The following CSNK1A1 variants were observed in gnomAD, a reference collection of about 807,000 sequenced individuals.
CSNK1A1 encodes casein kinase I isoform alpha.
CSNK1A1 carries 7 observed loss-of-function variants against 46.1 expected under a neutral mutation model. The observed-to-expected ratio is 0.15, with a 90% CI of 0.09 to 0.29. The LOEUF (loss-of-function observed/expected upper bound fraction) is 0.29, where lower values mean the gene tolerates loss of function less well. Among genes scored for constraint, CSNK1A1 ranks in the 10% least tolerant of loss-of-function variants. CSNK1A1 has a pLI of 1.00. For missense variants in CSNK1A1, 96 were observed against 417.1 expected (o/e 0.23, Z 6.71); for synonymous variants, 137 against 141.5 (o/e 0.97, Z 0.23).
chr5:149,502,518 T>TG (rs1760894558), intron 9 of CSNK1A1: 1 of 55,234 alleles, frequency 1.8e-5, no homozygotes, highest in African/African-American at 3.2e-4. Context: ...GCTTTTTTTT[T>TG]TTGGGGGGGG....
intron 2 of CSNK1A1, among the ~76,000 whole-genome samples, chr5:149,527,953 G>A (rs1276762948): frequency 6.6e-6 from 1 of 152,120 alleles, no homozygotes; most frequent in Non-Finnish European, 1.5e-5. Flanking sequence ...ACAAGCAAAT[G>A]TTATAACCAT....
chr5:149,494,952 C>T lies in CSNK1A1; in HGVS notation c.*1901G>A, dbSNP rs1760612138. On this transcript the variant is annotated 3_prime_UTR_variant, in exon 10 of 10. Coordinates refer to ENST00000377843, the MANE Select transcript of CSNK1A1 (RefSeq NM_001892.6). Reference sequence around the variant, plus strand: ...AGGGAGTTCAGCTTGGAAGTTATTACCAAAGCTAAACATTTTTATTTTACA... The same window carrying T: ...AGGGAGTTCAGCTTGGAAGTTATTATCAAAGCTAAACATTTTTATTTTACA... The T allele has an allele frequency of 6.6e-6, 1 of 152,086 alleles. No individual in the cohort carries two copies. Among genetic ancestry groups the T allele is most frequent in the African/African-American group, 2.4e-5 (1 of 41,422 alleles). The allele number at this position is 152,086 out of a possible 1,614,324, so 9.4% of individuals were successfully genotyped here. A position where few individuals can be genotyped will look rare whatever the true frequency, so the allele number is the denominator to read the frequency against.
chr5:149,498,396 A>G (rs1760723908), intron 9 of CSNK1A1: 1 of 985,446 alleles, frequency 1.0e-6, no homozygotes, highest in Non-Finnish European at 1.2e-6. Flanking sequence ...GTTATTAAGA[A>G]GTATTAGCGA....
chr5:149,542,639 TG>T lies in CSNK1A1; in HGVS notation c.230+7435del, dbSNP rs1561772522. Among the ~76,000 whole-genome samples, 86 of 12,302 alleles carry T rather than the reference TG, an allele frequency of 7.0e-3. 12 individuals carry two copies. Among genetic ancestry groups the T allele is most frequent in the South Asian group, 0.022 (5 of 232 alleles). The allele number at this position is 12,302 out of a possible 152,430, so 8.1% of individuals were successfully genotyped here. A position where few individuals can be genotyped will look rare whatever the true frequency, so the allele number is the denominator to read the frequency against. The stretch of plus-strand genomic sequence containing the variant: ...ATATATATATATATATATATATATA[TG>T]TATATATATATATATATATATATAT... On this transcript the variant is annotated intron_variant, in intron 2 of 9. Coordinates refer to ENST00000377843, the MANE Select transcript of CSNK1A1 (RefSeq NM_001892.6).
At chr5:149,537,833 G>A (rs981226971) in intron 2 of CSNK1A1, among the ~76,000 whole-genome samples, 2 of 150,374 alleles carry the variant, frequency 1.3e-5, no homozygotes, top group East Asian at 3.9e-4. Flanking sequence ...ACTGTTTGGG[G>A]CTCATCTCAA....
At chr5:149,529,880 G>A (rs867096266) in intron 2 of CSNK1A1, among the ~76,000 whole-genome samples, 25 of 152,200 alleles carry the variant, frequency 1.6e-4, no homozygotes, top group Admixed American at 5.9e-4. Context: ...TACTATAGCC[G>A]GAGATTTCAA....
chr5:149,518,216 C>T (rs1039003253), intron 4 of CSNK1A1, among the ~76,000 whole-genome samples: 1 of 151,814 alleles, frequency 6.6e-6, no homozygotes, highest in Non-Finnish European at 1.5e-5. Context: ...CCCTTCCCCC[C>T]CAAAAAAATA....
chr5:149,509,144 GGAACTCCC>G (rs1285334096), intron 7 of CSNK1A1, among the ~76,000 whole-genome samples: 4 of 151,952 alleles, frequency 2.6e-5, no homozygotes, highest in Non-Finnish European at 5.9e-5. Flanking sequence ...AGACTGGTCT[GGAACTCCC>G]GGGCTCAAGC....
chr5:149,541,153 A>AT (rs1163180843), intron 2 of CSNK1A1, among the ~76,000 whole-genome samples: 3 of 131,400 alleles, frequency 2.3e-5, no homozygotes, highest in African/African-American at 6.8e-5. Flanking sequence ...TGGTCAACCA[A>AT]TTTTGTTTTT....
intron 2 of CSNK1A1, among the ~76,000 whole-genome samples, chr5:149,537,329 T>C (rs905089592): frequency 6.6e-6 from 1 of 152,148 alleles, no homozygotes; most frequent in Non-Finnish European, 1.5e-5. Context: ...TGAGCCGAGA[T>C]CGTGCCACTG....
At chr5:149,530,901 G>A (rs958608138) in intron 2 of CSNK1A1, among the ~76,000 whole-genome samples, 2 of 138,640 alleles carry the variant, frequency 1.4e-5, no homozygotes, top group Non-Finnish European at 3.0e-5. Context: ...AGGCAGCAGA[G>A]GTTGCCATGA....
Position 149,517,512 on chromosome 5 carries a change from C to A in CSNK1A1, c.456+2778G>T, listed in dbSNP as rs1761439013. ...TTAGGTAAACAATTTCAGTACTAGA[C>A]CAACATCATTTCCTCATATGTATGT... On this transcript the variant is annotated intron_variant, in intron 4 of 9. Transcript: ENST00000377843. This position sits in a 1 kb window ranked among gnomAD's most constrained non-coding sequence, Gnocchi z 4.4. Among the ~76,000 whole-genome samples the A allele has an allele frequency of 6.6e-6, 1 of 152,160 alleles. No homozygotes were observed. The highest frequency in any genetic ancestry group is 1.5e-5 in the Non-Finnish European group (1 of 68,030).
rs1762236464 is a variant in CSNK1A1, at chr5:149,541,727, G to A, written c.230+8348C>T. Among the ~76,000 whole-genome samples the A allele has an allele frequency of 2.0e-5, 3 of 152,004 alleles. No individual in the cohort carries two copies. In the South Asian group the frequency reaches 6.3e-4, roughly 32 times the overall value. On this transcript the variant is annotated intron_variant, in intron 2 of 9. Coordinates refer to ENST00000377843, the MANE Select transcript of CSNK1A1 (RefSeq NM_001892.6). Reference sequence around the variant, plus strand: ...GCGGTGGCTCACGCCTGTAATCCCAGCACTTTGGGAGGCCGAGGCAGGTGG... The same window carrying A: ...GCGGTGGCTCACGCCTGTAATCCCAACACTTTGGGAGGCCGAGGCAGGTGG...
intron 5 of CSNK1A1, 148 bp downstream of exon 5, chr5:149,512,922 T>A (rs1178947101): frequency 1.0e-6 from 1 of 953,260 alleles, no homozygotes; most frequent in Non-Finnish European, 1.5e-6. Flanking sequence ...CTACACTGGT[T>A]AAAGCAGCAG....
intron 2 of CSNK1A1, among the ~76,000 whole-genome samples, chr5:149,544,387 G>C (rs1319423207): frequency 6.6e-6 from 1 of 152,104 alleles, no homozygotes; most frequent in Non-Finnish European, 1.5e-5. Flanking sequence ...TTGGGTCATT[G>C]CACGGTGGCT....
At chr5:149,509,152 C>T (rs531597977) in intron 7 of CSNK1A1, among the ~76,000 whole-genome samples, 6 of 152,086 alleles carry the variant, frequency 3.9e-5, no homozygotes, top group East Asian at 3.9e-4. Flanking sequence ...CTGGAACTCC[C>T]GGGCTCAAGC....
Position 149,525,315 on chromosome 5 carries a change from T to C in CSNK1A1, c.231-144A>G. On this transcript the variant is annotated intron_variant, in intron 2 of 9. Coordinates refer to ENST00000377843, the MANE Select transcript of CSNK1A1 (RefSeq NM_001892.6). This position sits in a 1 kb window ranked among gnomAD's most constrained non-coding sequence, Gnocchi z 4.2. ...CTACTCAGAAGACAAACCCACTAAT[T>C]AACTACAAGGCCCAAAGACAAAACA... is the stretch of plus-strand genomic sequence containing the variant. 1.2e-6 allele frequency: 1 copy of C among 852,940 alleles called. No individual in the cohort carries two copies. Among genetic ancestry groups the C allele is most frequent in the Non-Finnish European group, 1.7e-6 (1 of 594,684 alleles). The allele number at this position is 852,940 out of a possible 1,614,324, so 52.8% of individuals were successfully genotyped here.
At chr5:149,511,228 G>A (rs1761213305) in intron 6 of CSNK1A1, among the ~76,000 whole-genome samples, 1 of 152,118 alleles carries the variant, frequency 6.6e-6, no homozygotes, top group Non-Finnish European at 1.5e-5. Flanking sequence ...ACAGGTAGGA[G>A]GCTGAGATAG....
intron 2 of CSNK1A1, among the ~76,000 whole-genome samples, chr5:149,547,249 T>C (rs1162227591): frequency 6.6e-6 from 1 of 152,210 alleles, no homozygotes; most frequent in Non-Finnish European, 1.5e-5. Flanking sequence ...AGACAGCTTA[T>C]AACTACCATA....
Sources: gnomAD v4.1 joint callset for allele counts (sites outside exome capture counted in the v4.1 genomes callset) on GRCh38, gnomAD v4.1.1 for gene constraint, Gnocchi (gnomAD v3.1) non-coding constraint, MANE v1.5 for transcripts, NCBI Gene and HGNC (gene_info 2026-07-23, HGNC 2026-07-21) for gene names.